PTPRN2: variants seen among roughly 807,000 people sequenced by gnomAD.
The protein encoded by PTPRN2 is receptor-type tyrosine-protein phosphatase N2.
In PTPRN2, 74 loss-of-function variants were observed where a neutral mutation model predicts 118.8. The ratio of observed to expected loss-of-function variants is 0.62; its 90% CI spans 0.52 to 0.76. PTPRN2 has a LOEUF of 0.76. PTPRN2 is among the 30% of genes least tolerant of loss of function. PTPRN2 has a pLI of 0.00. For missense variants in PTPRN2, 1,481 were observed against 1,394.4 expected (o/e 1.06, Z -0.99); for synonymous variants, 641 against 608.0 (o/e 1.05, Z -0.80).
intron 2 of PTPRN2, among the ~76,000 whole-genome samples, chr7:158,431,455 C>CGACACACACTGGCTCACACTG (rs11271556): frequency 0.97 from 135,476 of 139,912 alleles, 65,598 homozygotes; most frequent in African/African-American, 0.98. Context: ...CTGCCTCACA[C>CGACACACACTGGCTCACACTG]GACACACACT....
intron 12 of PTPRN2, among the ~76,000 whole-genome samples, chr7:157,890,601 C>A (rs2151304805): frequency 6.6e-6 from 1 of 152,306 alleles, no homozygotes; most frequent in African/African-American, 2.4e-5. Flanking sequence ...GAGATTGCGC[C>A]ACTGCACTCC....
intron 10 of PTPRN2, among the ~76,000 whole-genome samples, chr7:158,106,916 C>T (rs549594054): frequency 7.9e-5 from 12 of 152,296 alleles, no homozygotes; most frequent in African/African-American, 2.4e-4. Flanking sequence ...TTTTAAGATC[C>T]TGGAAGCATC....
At chr7:158,359,772 A>G (rs1563198029) in intron 2 of PTPRN2, among the ~76,000 whole-genome samples, 1 of 152,214 alleles carries the variant, frequency 6.6e-6, no homozygotes, top group Non-Finnish European at 1.5e-5. Flanking sequence ...AAATTAAAAC[A>G]TGATTAAGAA....
intron 1 of PTPRN2, among the ~76,000 whole-genome samples, chr7:158,492,675 G>A (rs549787998): frequency 6.6e-6 from 1 of 152,320 alleles, no homozygotes; most frequent in East Asian, 1.9e-4. Context: ...CCCAGCCAGT[G>A]GATATGCTAA....
intron 11 of PTPRN2, among the ~76,000 whole-genome samples, chr7:158,065,697 C>G (rs1026943802): frequency 6.6e-6 from 1 of 152,134 alleles, no homozygotes; most frequent in Non-Finnish European, 1.5e-5. Flanking sequence ...GCTCAGAACT[C>G]TTATTCATTT....
chr7:158,325,231 CAAACGCCGTG>C (rs1803397528), intron 2 of PTPRN2, among the ~76,000 whole-genome samples: 2 of 151,844 alleles, frequency 1.3e-5, no homozygotes. Flanking sequence ...TTCCTTCCAC[CAAACGCCGTG>C]AACACGACCA....
intron 13 of PTPRN2, among the ~76,000 whole-genome samples, chr7:157,658,841 C>T (rs778425895): frequency 2.6e-5 from 4 of 152,138 alleles, no homozygotes; most frequent in Non-Finnish European, 2.9e-5. Flanking sequence ...AGAAAGGCTC[C>T]GGGGAACCTC....
intron 12 of PTPRN2, among the ~76,000 whole-genome samples, chr7:157,732,328 C>T (rs377297683): frequency 1.5e-4 from 1 of 6,536 alleles, no homozygotes; most frequent in Non-Finnish European, 2.2e-4. Flanking sequence ...TCCCGTCCCA[C>T]GCGCCCAGCA....
intron 14 of PTPRN2, among the ~76,000 whole-genome samples, chr7:157,644,395 A>G (rs952918942): frequency 6.6e-6 from 1 of 152,182 alleles, no homozygotes; most frequent in African/African-American, 2.4e-5. Context: ...AGCCTGAGGG[A>G]TGTCGTCACG....
intron 12 of PTPRN2, among the ~76,000 whole-genome samples, chr7:157,889,512 G>A (rs1261041669): frequency 6.6e-6 from 1 of 152,186 alleles, no homozygotes; most frequent in Non-Finnish European, 1.5e-5. Flanking sequence ...TGCACAGGGA[G>A]GGCCTTCATG....
chr7:158,580,867 G>A (rs924988060), intron 1 of PTPRN2, among the ~76,000 whole-genome samples: 2 of 152,166 alleles, frequency 1.3e-5, no homozygotes, highest in Non-Finnish European at 2.9e-5. Flanking sequence ...GCCATTATGG[G>A]AAGGACAAAA....
chr7:158,379,605 A>T (rs1810804760), intron 2 of PTPRN2, among the ~76,000 whole-genome samples: 1 of 152,074 alleles, frequency 6.6e-6, no homozygotes, highest in African/African-American at 2.4e-5. Flanking sequence ...ACAGACAAAG[A>T]TGGAGAAGAC....
intron 2 of PTPRN2, among the ~76,000 whole-genome samples, chr7:158,410,572 G>A (rs1162006246): frequency 7.9e-5 from 12 of 152,198 alleles, no homozygotes; most frequent in Admixed American, 2.6e-4. Context: ...TGAGCAAGGT[G>A]AGCCTCCCTA....
At chr7:158,126,865 G>A (rs758580269) in intron 9 of PTPRN2, among the ~76,000 whole-genome samples, 8 of 152,164 alleles carry the variant, frequency 5.3e-5, no homozygotes, top group Non-Finnish European at 1.2e-4. Flanking sequence ...CAGACTTCTG[G>A]TTCCAAAGTT....
In PTPRN2 at chr7:157,813,565, G is replaced by A. The variant is rs369528558; in HGVS notation, c.1788+85108C>T. ...CGTATAAAAAAGAAAGTTCAAATGC[G>A]CAGAAGAAAGATCAGAGGACAAGAT... On this transcript the variant is annotated intron_variant, in intron 12 of 22. Coordinates refer to ENST00000389418, the MANE Select transcript of PTPRN2 (RefSeq NM_002847.5). This position sits in a 1 kb window ranked among gnomAD's most constrained non-coding sequence, Gnocchi z 4.7. Among the ~76,000 whole-genome samples, 40 of 152,198 alleles carry A rather than the reference G, an allele frequency of 2.6e-4. No homozygotes were observed. Among genetic ancestry groups the A allele is most frequent in the African/African-American group, 8.9e-4 (37 of 41,430 alleles).
intron 12 of PTPRN2, among the ~76,000 whole-genome samples, chr7:157,839,894 C>A (rs1563159778): frequency 2.7e-5 from 4 of 146,198 alleles, no homozygotes; most frequent in Non-Finnish European, 4.5e-5. Context: ...GACTGTGTAA[C>A]CATGTGTGAC....
chr7:157,742,084 A>G (rs1800665703), intron 12 of PTPRN2, among the ~76,000 whole-genome samples: 1 of 152,228 alleles, frequency 6.6e-6, no homozygotes, highest in Non-Finnish European at 1.5e-5. Flanking sequence ...TTCTAGATGT[A>G]TCTCTCTACG....
At chr7:158,073,694 C>T (rs993422167) in intron 11 of PTPRN2, among the ~76,000 whole-genome samples, 6 of 152,078 alleles carry the variant, frequency 3.9e-5, no homozygotes, top group African/African-American at 1.2e-4. Context: ...GAGGCCGCTT[C>T]CTACTAAGGT....
intron 19 of PTPRN2, 125 bp from the exon 20 acceptor site, chr7:157,571,618 G>A (rs1042148302): frequency 3.9e-5 from 25 of 642,890 alleles, no homozygotes; most frequent in African/African-American, 1.5e-4. Context: ...TTGTTTTGAC[G>A]GAGAAAATAA....
Sources: allele counts gnomAD v4.1 joint callset (sites outside exome capture counted in the v4.1 genomes callset), GRCh38; gene constraint gnomAD v4.1.1; non-coding constraint Gnocchi (gnomAD v3.1); transcripts MANE v1.5; gene names NCBI Gene and HGNC (gene_info 2026-07-23, HGNC 2026-07-21).